Variants in ZNF91 observed in about 807,000 individuals in gnomAD.
ZNF91 encodes zinc finger protein 91.
A neutral mutation model predicts 12.6 loss-of-function variants in ZNF91; 7 were observed. That is an observed-to-expected ratio of 0.55 (90% CI 0.31 to 1.04). ZNF91 has a LOEUF of 1.04. Ranked by LOEUF, ZNF91 falls within the 50% of genes least tolerant of loss-of-function variation. The pLI is 0.05. For synonymous variants in ZNF91, 453 were observed against 462.6 expected (o/e 0.98, Z 0.27); for missense variants, 1,217 against 1,385.4 (o/e 0.88, Z 1.93).
chr19:23,392,347 G>A (rs1368409017), intron 1 of ZNF91, among the ~76,000 whole-genome samples: 3 of 139,470 alleles, frequency 2.2e-5, no homozygotes, highest in African/African-American at 8.1e-5. Context: ...AGTGAGTTGA[G>A]ATTGCACTAC....
intron 3 of ZNF91, among the ~76,000 whole-genome samples, chr19:23,348,671 C>T (rs986679074): frequency 2.0e-5 from 3 of 152,086 alleles, no homozygotes; most frequent in African/African-American, 7.2e-5. Flanking sequence ...TCAGGGCACC[C>T]TGAAAAAGAA....
rs1176711489 is a variant in ZNF91, at chr19:23,362,395, A to G, written c.584T>C (p.Leu195Ser). 6.2e-7 allele frequency: 1 copy of G among 1,613,930 alleles called. No homozygotes were observed. Among genetic ancestry groups the G allele is most frequent in the Non-Finnish European group, 8.5e-7 (1 of 1,179,994 alleles). Reference protein sequence around the residue: ...KKCVKSFCIRLHKTQHKCVYI... With the variant: ...KKCVKSFCIRSHKTQHKCVYI... ...AACGCATTTATGTTGGGTTTTGTGT[A>G]AACGGATGCAAAATGACTTGACACA... Residue 195 changes from leucine (L) to serine (S), a missense_variant, in exon 4 of 4, where the codon TTA (leucine) becomes TCA (serine). By Grantham distance (145) the Leu-to-Ser change is moderately radical (BLOSUM62 -2). Around this residue, in one of 2 missense-constraint regions of ZNF91, gnomAD observed 726 missense variants for 895.5 expected, o/e 0.81. Transcript: ENST00000300619.
chr19:23,384,232 T>C (rs960838560), intron 1 of ZNF91, among the ~76,000 whole-genome samples: 1 of 152,218 alleles, frequency 6.6e-6, no homozygotes, highest in African/African-American at 2.4e-5. Flanking sequence ...AATAGCTCTT[T>C]AAACTTACAA....
intron 1 of ZNF91, among the ~76,000 whole-genome samples, chr19:23,386,484 A>T (rs949198985): frequency 3.3e-5 from 5 of 152,248 alleles, no homozygotes; most frequent in Non-Finnish European, 7.3e-5. Flanking sequence ...GTAACAGAAT[A>T]GGGAGCCCAG....
chr19:23,353,106 G>A (rs952991378), downstream of ZNF91, among the ~76,000 whole-genome samples: 3 of 152,104 alleles, frequency 2.0e-5, no homozygotes, highest in African/African-American at 7.2e-5. Flanking sequence ...TGGAACAAAT[G>A]GACTTAACAG....
intron 3 of ZNF91, chr19:23,339,500 C>T (rs894046294): frequency 6.6e-6 from 1 of 152,092 alleles, no homozygotes; most frequent in Non-Finnish European, 1.5e-5. Flanking sequence ...AACAAAGTAT[C>T]CCCCCAAATC....
chr19:23,315,914 G>A (rs1173590073), intron 1 of ZNF91, among the ~76,000 whole-genome samples: 1 of 152,080 alleles, frequency 6.6e-6, no homozygotes, highest in Non-Finnish European at 1.5e-5. Flanking sequence ...GGCATTGTGT[G>A]TATCCCTGGA....
chr19:23,373,368 AT>A (rs772596158), intron 3 of ZNF91, among the ~76,000 whole-genome samples: 26,314 of 130,780 alleles, frequency 0.2, 2,892 homozygotes, highest in Middle Eastern at 0.24. Context: ...ATATATATAT[AT>A]ATATATATAT....
rs564780533 is a variant in ZNF91, at chr19:23,327,440, G to C, written n.117-18343C>G. 2.6e-5 allele frequency: 4 copies of C among 152,094 alleles called. No homozygotes were observed. In the South Asian group the frequency reaches 8.3e-4, roughly 32 times the overall value. The allele number at this position is 152,094 out of a possible 1,614,324, so 9.4% of individuals were successfully genotyped here. ...AAACACGAGGTGAAACATTTGAATG[G>C]GTTTTTTTTGTCAAACAATAAATTT... On this transcript the variant is annotated intron_variant and non_coding_transcript_variant, in intron 1 of 1. Coordinates refer to the ZNF91 transcript ENST00000596528.
chr19:23,387,941 CAAAA>C (rs71163499), intron 1 of ZNF91, among the ~76,000 whole-genome samples: 3 of 56,306 alleles, frequency 5.3e-5, no homozygotes, highest in African/African-American at 7.9e-5. Flanking sequence ...GAGACTGTCT[CAAAA>C]AAAAAAAAAA....
chr19:23,317,337 C>G (rs552092592), intron 1 of ZNF91, among the ~76,000 whole-genome samples: 1 of 152,088 alleles, frequency 6.6e-6, no homozygotes, highest in Non-Finnish European at 1.5e-5. Flanking sequence ...TGTGAGCCAC[C>G]GCGCCCGGCC....
At chr19:23,313,507 G>A (rs1429297394), upstream of ZNF91, among the ~76,000 whole-genome samples, 1 of 152,170 alleles carries the variant, frequency 6.6e-6, no homozygotes, top group Non-Finnish European at 1.5e-5. Flanking sequence ...TCTCCTTCAT[G>A]TTCCTTGCTA....
chr19:23,390,533 T>A (rs1970030059), intron 1 of ZNF91, among the ~76,000 whole-genome samples: 1 of 152,192 alleles, frequency 6.6e-6, no homozygotes, highest in Non-Finnish European at 1.5e-5. Flanking sequence ...AATTTTTGTA[T>A]TTTTAGTAGA....
At position 23,385,260 on chromosome 19, in the gene ZNF91, T is replaced by A. The variant is rs200420100; in HGVS notation, c.30+10065A>T. On this transcript the variant is annotated intron_variant, in intron 1 of 3. Coordinates refer to ENST00000300619, the MANE Select transcript of ZNF91 (RefSeq NM_003430.4). ...TTGATATTGGGCCCTCACTTTTGGATGAGGGGCTGAATGTCACGGAAAAAA... is the reference window on the plus strand; with the variant it reads ...TTGATATTGGGCCCTCACTTTTGGAAGAGGGGCTGAATGTCACGGAAAAAA... 3.1e-4 allele frequency: 164 copies of A among 528,434 alleles called. No homozygotes were observed. In the East Asian group the frequency reaches 4.4e-3, roughly 14 times the overall value. The allele number at this position is 528,434 out of a possible 1,614,324, so 32.7% of individuals were successfully genotyped here. A position where few individuals can be genotyped will look rare whatever the true frequency, so the allele number is the denominator to read the frequency against.
At position 23,360,213 on chromosome 19, in the gene ZNF91, A is replaced by G. The variant is rs1968674246; in HGVS notation, c.2766T>C (p.Pro922=). The G allele has an allele frequency of 6.2e-7, 1 of 1,608,612 alleles. No homozygotes were observed. Among genetic ancestry groups the G allele is most frequent in the South Asian group, 1.1e-5 (1 of 90,822 alleles). The part of the protein sequence containing the change: ...CEECGKAFSQ[P]SHLTTHKRMH... ...TCCTCTTATGTGTAGTAAGGTGTGA[A>G]GGCTGGCTAAATGCTTTGCCACATT... The change falls in exon 4 of 4, where the codon CCT becomes CCC. Residue 922 remains proline, a synonymous_variant. Transcript: ENST00000300619.
chr19:23,376,222 A>T (rs1481946815), intron 1 of ZNF91, among the ~76,000 whole-genome samples: 5 of 152,038 alleles, frequency 3.3e-5, no homozygotes, highest in Non-Finnish European at 7.4e-5. Context: ...GATTATCCAC[A>T]CCTTTCCATG....
intron 1 of ZNF91, among the ~76,000 whole-genome samples, chr19:23,323,233 TTCTCC>T (rs1382147494): frequency 6.8e-6 from 1 of 148,086 alleles, no homozygotes; most frequent in Non-Finnish European, 1.5e-5. Flanking sequence ...TCTCTCCTTC[TTCTCC>T]TCTCCTTTCT....
At chr19:23,321,405 T>G (rs1318414104) in intron 1 of ZNF91, among the ~76,000 whole-genome samples, 2 of 152,156 alleles carry the variant, frequency 1.3e-5, no homozygotes, top group African/African-American at 4.8e-5. Flanking sequence ...TTAGGCGATG[T>G]GACTCTTCTG....
intron 1 of ZNF91, among the ~76,000 whole-genome samples, chr19:23,331,115 C>CA (rs1967921989): frequency 6.6e-6 from 1 of 152,136 alleles, no homozygotes. Context: ...TGTGTATTTG[C>CA]ACTGTTATAG....
Sources: allele counts gnomAD v4.1 joint callset (sites outside exome capture counted in the v4.1 genomes callset), GRCh38; gene constraint gnomAD v4.1.1; regional missense constraint gnomAD v4.1.1; transcripts MANE v1.5; gene names NCBI Gene and HGNC (gene_info 2026-07-23, HGNC 2026-07-21).